CHD6: variants seen among roughly 807,000 people sequenced by gnomAD.
CHD6 encodes chromodomain helicase DNA binding protein 6, also known as ATP-dependent chromatin remodeler CHD6.
A neutral mutation model predicts 276.9 loss-of-function variants in CHD6; 50 were observed. The ratio of observed to expected loss-of-function variants is 0.18; its 90% CI spans 0.14 to 0.23. CHD6 has a LOEUF of 0.23. Among genes scored for constraint, CHD6 ranks in the 10% least tolerant of loss-of-function variants. CHD6 has a pLI of 1.00. For missense variants in CHD6, 2,564 were observed against 3,365.8 expected (o/e 0.76, Z 5.89); for synonymous variants, 1,173 against 1,229.3 (o/e 0.95, Z 0.96).
At chr20:41,543,489 T>G (rs2044985142) in intron 2 of CHD6, among the ~76,000 whole-genome samples, 1 of 152,248 alleles carries the variant, frequency 6.6e-6, no homozygotes. Context: ...CCAGATGACT[T>G]TCAATTCACT....
At position 41,493,868 on chromosome 20, in the gene CHD6, T is replaced by C; in HGVS notation, c.1169A>G (p.Glu390Gly). 2 of 1,613,716 alleles carry C rather than the reference T, an allele frequency of 1.2e-6. No homozygotes were observed. Among genetic ancestry groups the C allele is most frequent in the Non-Finnish European group, 1.7e-6 (2 of 1,179,728 alleles). Residue 390 changes from glutamate (E) to glycine (G), a missense_variant, in exon 9 of 37, where the codon GAA (glutamate) becomes GGA (glycine). Glu to Gly is a moderately conservative substitution (Grantham distance 98). Coordinates refer to ENST00000373233, the MANE Select transcript of CHD6 (RefSeq NM_032221.5). ...ILEVAHTKDA[E>G]TGEEVTHYLV... ...GAGGCAAATACCCACCTCCCCTGTT[T>C]CTGCATCCTTGGTGTGGGCCACCTC...
At position 41,404,061 on chromosome 20, in the gene CHD6, TTC is replaced by T. The variant is rs2046601591; in HGVS notation, c.*530_*531del. ...GTATTTTCAACCATTAGTTATATACTTCTGTCTATACTACTCACTTAGTAATC... is the reference window on the plus strand; with the variant it reads ...GTATTTTCAACCATTAGTTATATACTTGTCTATACTACTCACTTAGTAATC... On this transcript the variant is annotated 3_prime_UTR_variant, in exon 37 of 37. Coordinates refer to ENST00000373233, the MANE Select transcript of CHD6 (RefSeq NM_032221.5). 1 of 1,045,178 alleles carries T rather than the reference TTC, an allele frequency of 9.6e-7. No homozygotes were observed. 64.7% of individuals were successfully genotyped at this position (1,045,178 alleles called of 1,614,324 possible).
At chr20:41,546,120 T>A (rs973590815) in intron 2 of CHD6, among the ~76,000 whole-genome samples, 2 of 150,540 alleles carry the variant, frequency 1.3e-5, no homozygotes, top group Non-Finnish European at 2.9e-5. Flanking sequence ...CAAATATTTC[T>A]GAACTAGTAT....
At chr20:41,575,126 A>G (rs1338567289) in intron 1 of CHD6, among the ~76,000 whole-genome samples, 1 of 152,220 alleles carries the variant, frequency 6.6e-6, no homozygotes. Flanking sequence ...ACATCAAGTA[A>G]TCAATGGGAA....
rs374644763 is a variant in CHD6, at chr20:41,542,006, CTG to C, written c.34-8438_34-8437del. Among the ~76,000 whole-genome samples the C allele has an allele frequency of 7.8e-4, 118 of 152,256 alleles. 1 individual carries two copies. Among genetic ancestry groups the C allele is most frequent in the African/African-American group, 2.7e-3 (113 of 41,538 alleles). ...GCTAGTATATGGCTAAATTTAGATGCTGACAGGGAAGAATTAGGAGGAGAGAG... is the reference window on the plus strand; with the variant it reads ...GCTAGTATATGGCTAAATTTAGATGCACAGGGAAGAATTAGGAGGAGAGAG... On this transcript the variant is annotated intron_variant, in intron 2 of 36. Transcript: ENST00000373233.
intron 5 of CHD6, among the ~76,000 whole-genome samples, chr20:41,505,819 A>G (rs1229938036): frequency 1.3e-5 from 2 of 151,924 alleles, no homozygotes; most frequent in Admixed American, 6.6e-5. Flanking sequence ...TCATATACAT[A>G]ATTCCTATAT....
In CHD6 at chr20:41,423,691, C is replaced by G. The variant is rs745598079; in HGVS notation, c.4356G>C (p.Arg1452Ser). Residue 1452 changes from arginine to serine, a missense_variant, in exon 30 of 37, where the codon AGG (arginine) becomes AGC (serine). This residue lies in a region of CHD6 where 515 missense variants were observed against 739.5 expected (regional missense o/e 0.70). Transcript: ENST00000373233. The stretch of plus-strand genomic sequence containing the variant: ...TTCTATAGAAGTCTGCTTGTTCTCT[C>G]CTAGTCCACCTTGAGATTTAATCAG... ...INKEAQKRWT[R>S]REQADFYRTV... 5.0e-6 allele frequency: 8 copies of G among 1,613,724 alleles called. No individual in the cohort carries two copies. Among genetic ancestry groups the G allele is most frequent in the Non-Finnish European group, 6.8e-6 (8 of 1,179,680 alleles).
At chr20:41,408,944 G>A (rs1600785776) in intron 36 of CHD6, among the ~76,000 whole-genome samples, 1 of 152,220 alleles carries the variant, frequency 6.6e-6, no homozygotes, top group Admixed American at 6.5e-5. Flanking sequence ...GGCCCAGTAA[G>A]TGCAAGTAGC....
chr20:41,473,217 C>T lies in CHD6; in HGVS notation c.2664+105G>A. On this transcript the variant is annotated intron_variant, in intron 17 of 36. Transcript: ENST00000373233. This position sits in a 1 kb window ranked among gnomAD's most constrained non-coding sequence, Gnocchi z 4.1. ...CCCTAAGCCTGTCATCCAGCTGACACCATAGCATAGAGCATCACGGATGCT... is the reference window on the plus strand; with the variant it reads ...CCCTAAGCCTGTCATCCAGCTGACATCATAGCATAGAGCATCACGGATGCT... The T allele has an allele frequency of 6.5e-6, 7 of 1,084,778 alleles. No homozygotes were observed. The highest frequency in any genetic ancestry group is 6.1e-5 in the South Asian group (4 of 65,836). The allele number at this position is 1,084,778 out of a possible 1,614,324, so 67.2% of individuals were successfully genotyped here.
At position 41,468,150 on chromosome 20, in the gene CHD6, C is replaced by T. The variant is rs574430610; in HGVS notation, c.2664+5172G>A. Among the ~76,000 whole-genome samples the T allele has an allele frequency of 1.1e-4, 17 of 148,798 alleles. No individual in the cohort carries two copies. The East Asian group carries it at 2.0e-3, about 17-fold the overall frequency. On this transcript the variant is annotated intron_variant, in intron 17 of 36. Coordinates refer to ENST00000373233, the MANE Select transcript of CHD6 (RefSeq NM_032221.5). ...GGGAGATGGAGTTTTGCTCTTGTTG[C>T]CCAGGCTGGAGTGCAATGGCATGAT...
chr20:41,473,076 A>G lies in CHD6; in HGVS notation c.2664+246T>C, dbSNP rs755163204. ...TAATAATAATTAGTAGTTCTAGTCTATATCTGGAGGCTACCACTGTGAAAC... is the reference window on the plus strand; with the variant it reads ...TAATAATAATTAGTAGTTCTAGTCTGTATCTGGAGGCTACCACTGTGAAAC... On this transcript the variant is annotated intron_variant, in intron 17 of 36. Coordinates refer to ENST00000373233, the MANE Select transcript of CHD6 (RefSeq NM_032221.5). The surrounding 1 kb of genome is among the most constrained non-coding windows in gnomAD (Gnocchi z 4.1). 7 of 452,340 alleles carry G rather than the reference A, an allele frequency of 1.5e-5. No individual in the cohort carries two copies. The highest frequency in any genetic ancestry group is 3.9e-5 in the African/African-American group (2 of 51,322). 28.0% of individuals were successfully genotyped at this position (452,340 alleles called of 1,614,324 possible).
chr20:41,482,511 A>T (rs756190797), intron 16 of CHD6: 2 of 510,282 alleles, frequency 3.9e-6, no homozygotes, highest in Non-Finnish European at 7.8e-6. Context: ...ACATCTGTTA[A>T]GACACCCGAG....
chr20:41,452,166 GA>G lies in CHD6; in HGVS notation c.3324-142del. Reference sequence around the variant, plus strand: ...TTAATCATCCCAAGGGCTTTGTCCCGAAAGGCCTTTGAGGACCACCTGACTG... The same window carrying G: ...TTAATCATCCCAAGGGCTTTGTCCCGAAGGCCTTTGAGGACCACCTGACTG... On this transcript the variant is annotated intron_variant, in intron 21 of 36. Transcript: ENST00000373233. This position sits in a 1 kb window ranked among gnomAD's most constrained non-coding sequence, Gnocchi z 4.2. 1.4e-6 allele frequency: 1 copy of G among 698,480 alleles called. No homozygotes were observed. 43.3% of individuals were successfully genotyped at this position (698,480 alleles called of 1,614,324 possible). A position where few individuals can be genotyped will look rare whatever the true frequency, so the allele number is the denominator to read the frequency against.
chr20:41,506,055 C>G (rs558225110), intron 5 of CHD6, among the ~76,000 whole-genome samples: 1 of 152,082 alleles, frequency 6.6e-6, no homozygotes, highest in African/African-American at 2.4e-5. Flanking sequence ...CTTGTTGGCT[C>G]TATCTTCAAA....
At chr20:41,513,580 G>A (rs1047721979) in intron 4 of CHD6, among the ~76,000 whole-genome samples, 1 of 152,128 alleles carries the variant, frequency 6.6e-6, no homozygotes, top group Admixed American at 6.5e-5. Flanking sequence ...CACCTTGAGT[G>A]TGATGATCTA....
At chr20:41,476,995 G>C (rs2145799423) in intron 16 of CHD6, among the ~76,000 whole-genome samples, 1 of 152,144 alleles carries the variant, frequency 6.6e-6, no homozygotes, top group East Asian at 1.9e-4. Flanking sequence ...CCAGCAATTT[G>C]GGAGGCCAAG....
At position 41,473,514 on chromosome 20, in the gene CHD6, G is replaced by A. The variant is rs1024628209; in HGVS notation, c.2472C>T (p.Tyr824=). 3 of 1,613,452 alleles carry A rather than the reference G, an allele frequency of 1.9e-6. No homozygotes were observed. The highest frequency in any genetic ancestry group is 1.1e-5 in the South Asian group (1 of 91,058). The change falls in exon 17 of 37, where the codon TAC becomes TAT. Residue 824 remains tyrosine, a synonymous_variant. Transcript: ENST00000373233. This position sits in a 1 kb window ranked among gnomAD's most constrained non-coding sequence, Gnocchi z 4.1. ...ILEDYLIQRR[Y]TYERIDGRVR... is the part of the protein sequence containing the mutation. ...CTCGCCCATCAATTCGCTCATAGGTGTATCTGAGGGGACCCAAATGAACGA... is the reference window on the plus strand; with the variant it reads ...CTCGCCCATCAATTCGCTCATAGGTATATCTGAGGGGACCCAAATGAACGA...
chr20:41,521,505 T>C (rs1203994367), intron 3 of CHD6, among the ~76,000 whole-genome samples: 2 of 152,144 alleles, frequency 1.3e-5, no homozygotes, highest in Non-Finnish European at 2.9e-5. Flanking sequence ...TTCTATAACA[T>C]GTATGAACAC....
At chr20:41,413,593 G>T in intron 34 of CHD6, 78 bp from the exon 35 acceptor site, 3 of 1,232,340 alleles carry the variant, frequency 2.4e-6, no homozygotes, top group Non-Finnish European at 3.3e-6. Context: ...CATGTAAGGT[G>T]TTATTTGAAT....
Sources: gnomAD v4.1 joint callset for allele counts (sites outside exome capture counted in the v4.1 genomes callset) on GRCh38, gnomAD v4.1.1 for gene constraint, gnomAD v4.1.1 regional missense constraint, Gnocchi (gnomAD v3.1) non-coding constraint, MANE v1.5 for transcripts, NCBI Gene and HGNC (gene_info 2026-07-23, HGNC 2026-07-21) for gene names.